Variants in LOC400499 observed in about 807,000 individuals in gnomAD.
At chr16:11,464,013 G>A in the LOC400499 span, among the ~76,000 whole-genome samples, 1 of 152,182 alleles carries the variant, frequency 6.6e-6, no homozygotes, top group Non-Finnish European at 1.5e-5. Flanking sequence ...ATACAGATAT[G>A]CATTTGGATG....
the LOC400499 span, among the ~76,000 whole-genome samples, chr16:11,509,522 G>T: frequency 1.5e-4 from 22 of 151,468 alleles, no homozygotes; most frequent in African/African-American, 5.3e-4. Flanking sequence ...ACAATGTATG[G>T]TGCAAAAATA....
the LOC400499 span, chr16:11,443,243 G>A: frequency 6.6e-6 from 2 of 303,626 alleles, no homozygotes; most frequent in Admixed American, 1.0e-4. Flanking sequence ...AGAATCACTT[G>A]AACCCAGGAG....
chr16:11,464,034 T>C, the LOC400499 span, among the ~76,000 whole-genome samples: 1 of 152,244 alleles, frequency 6.6e-6, no homozygotes, highest in Non-Finnish European at 1.5e-5. Flanking sequence ...TGTGTGAATA[T>C]GGATGTGTAT....
At chr16:11,383,075 T>C in the LOC400499 span, among the ~76,000 whole-genome samples, 1 of 146,184 alleles carries the variant, frequency 6.8e-6, no homozygotes, top group African/African-American at 2.6e-5. Flanking sequence ...CAGGGTCTTT[T>C]TTTTTTTTGA....
At chr16:11,488,129 A>AAAAT in the LOC400499 span, among the ~76,000 whole-genome samples, 1 of 151,574 alleles carries the variant, frequency 6.6e-6, no homozygotes, top group Admixed American at 6.6e-5. Context: ...AAAAAAAAAA[A>AAAAT]AATCAGTGTT....
At chr16:11,480,381 G>A in the LOC400499 span, among the ~76,000 whole-genome samples, 1 of 152,170 alleles carries the variant, frequency 6.6e-6, no homozygotes, top group Non-Finnish European at 1.5e-5. Flanking sequence ...GTGTTCCCAA[G>A]CCCCGGGTTC....
chr16:11,440,756 G>C, the LOC400499 span: 1 of 398,922 alleles, frequency 2.5e-6, no homozygotes, highest in East Asian at 3.6e-5. Flanking sequence ...ACGGCAGCTC[G>C]TGCATCCATG....
chr16:11,460,982 T>G, the LOC400499 span: 1 of 1,535,320 alleles, frequency 6.5e-7, no homozygotes, highest in Non-Finnish European at 8.7e-7. Flanking sequence ...CTGTACTGGA[T>G]CCTCAGGGAG....
chr16:11,385,220 G>A, the LOC400499 span: 5 of 1,232,226 alleles, frequency 4.1e-6, no homozygotes, highest in Middle Eastern at 3.1e-4. Flanking sequence ...CCTGCAGACT[G>A]GGGTAGAGGA....
chr16:11,476,755 G>C, the LOC400499 span: 1 of 399,474 alleles, frequency 2.5e-6, no homozygotes, highest in East Asian at 3.6e-5. Context: ...GCCGGCACTG[G>C]GCACCCACCT....
At chr16:11,387,607 T>A in the LOC400499 span, among the ~76,000 whole-genome samples, 1 of 151,382 alleles carries the variant, frequency 6.6e-6, no homozygotes, top group African/African-American at 2.4e-5. Flanking sequence ...TGTGTGGGGA[T>A]GCCGAGGACA....
At chr16:11,423,745 T>A in the LOC400499 span, among the ~76,000 whole-genome samples, 1 of 152,160 alleles carries the variant, frequency 6.6e-6, no homozygotes, top group South Asian at 2.1e-4. Context: ...GTGTGAGGCT[T>A]CCCCAGGGTA....
At chr16:11,520,790 T>C in the LOC400499 span, among the ~76,000 whole-genome samples, 1 of 152,142 alleles carries the variant, frequency 6.6e-6, no homozygotes, top group Non-Finnish European at 1.5e-5. Context: ...AGGTGTTTGG[T>C]TTATGAAAAT....
At chr16:11,443,418 G>C in the LOC400499 span, 4 of 406,364 alleles carry the variant, frequency 9.8e-6, no homozygotes, top group South Asian at 6.7e-5. Flanking sequence ...CTGAGATCAA[G>C]TCATTGCACT....
chr16:11,416,770 A>G, the LOC400499 span, among the ~76,000 whole-genome samples: 2 of 152,078 alleles, frequency 1.3e-5, no homozygotes, highest in African/African-American at 4.8e-5. Flanking sequence ...TGTGGGAGAG[A>G]CACATTCCAG....
At chr16:11,473,580 C>T in the LOC400499 span, among the ~76,000 whole-genome samples, 19 of 151,966 alleles carry the variant, frequency 1.3e-4, no homozygotes, top group Non-Finnish European at 2.4e-4. Flanking sequence ...TGTGGTAAAA[C>T]CCTGTCTCCA....
chr16:11,408,761 T>C, the LOC400499 span, among the ~76,000 whole-genome samples: 7 of 152,126 alleles, frequency 4.6e-5, no homozygotes, highest in African/African-American at 1.7e-4. Flanking sequence ...CTGCATCCAG[T>C]TGGGACTTTT....
At chr16:11,424,600 C>T in the LOC400499 span, among the ~76,000 whole-genome samples, 1 of 152,250 alleles carries the variant, frequency 6.6e-6, no homozygotes, top group African/African-American at 2.4e-5. Context: ...CACATGCAGC[C>T]GGTGATAAGA....
chr16:11,450,364 A>T, the LOC400499 span, among the ~76,000 whole-genome samples: 7 of 152,132 alleles, frequency 4.6e-5, no homozygotes, highest in Admixed American at 2.0e-4. Context: ...TTCCTATTTT[A>T]TATTTCTCTC....
Sources: gnomAD v4.1 joint callset for allele counts (sites outside exome capture counted in the v4.1 genomes callset) on GRCh38, gnomAD v4.1.1 for gene constraint, MANE v1.5 for transcripts.